Variants in NCOR2 observed in about 807,000 individuals in gnomAD.
NCOR2 encodes CTG repeat protein 26.
Under a neutral mutation model 262.9 loss-of-function variants are expected in NCOR2, and 81 were observed. That is an observed-to-expected ratio of 0.31 (90% CI 0.26 to 0.37). The LOEUF (loss-of-function observed/expected upper bound fraction) is 0.37. Among genes scored for constraint, NCOR2 ranks in the 10% least tolerant of loss-of-function variants. The pLI, the probability that NCOR2 is intolerant of heterozygous loss-of-function variation, is 1.00. For missense variants in NCOR2, 3,385 were observed against 3,621.4 expected (o/e 0.93, Z 1.68); for synonymous variants, 1,659 against 1,559.3 (o/e 1.06, Z -1.51).
At chr12:124,394,112 C>T (rs923871485) in intron 16 of NCOR2, among the ~76,000 whole-genome samples, 6 of 152,260 alleles carry the variant, frequency 3.9e-5, no homozygotes, top group Admixed American at 3.9e-4. Context: ...GCAGGAGGCA[C>T]AGCTGGGACC....
intron 11 of NCOR2, among the ~76,000 whole-genome samples, chr12:124,425,201 C>A (rs2043462524): frequency 6.6e-6 from 1 of 152,068 alleles, no homozygotes; most frequent in Admixed American, 6.5e-5. Context: ...GGTGAAACCC[C>A]ATCTCTACTA....
At chr12:124,508,159 C>G (rs1333493266) in intron 1 of NCOR2, among the ~76,000 whole-genome samples, 1 of 152,250 alleles carries the variant, frequency 6.6e-6, no homozygotes, top group East Asian at 1.9e-4. Context: ...CAGGCTGGAC[C>G]ACAAAGGGCC....
At chr12:124,511,430 G>C (rs1731830878) in intron 1 of NCOR2, among the ~76,000 whole-genome samples, 1 of 152,230 alleles carries the variant, frequency 6.6e-6, no homozygotes, top group Non-Finnish European at 1.5e-5. Flanking sequence ...TTCTCCATTT[G>C]TCAAGGGCAC....
intron 2 of NCOR2, among the ~76,000 whole-genome samples, chr12:124,485,656 C>G (rs762304826): frequency 6.6e-6 from 1 of 152,200 alleles, no homozygotes; most frequent in Non-Finnish European, 1.5e-5. Context: ...CCTGAGTTCA[C>G]CAGCCCCGCC....
chr12:124,427,715 G>C (rs1028804690), intron 10 of NCOR2, among the ~76,000 whole-genome samples: 9 of 152,180 alleles, frequency 5.9e-5, no homozygotes, highest in African/African-American at 2.2e-4. Context: ...CCCTGATACG[G>C]AACGGCGACC....
At chr12:124,496,906 G>C (rs1730558755), upstream of NCOR2, among the ~76,000 whole-genome samples, 1 of 152,216 alleles carries the variant, frequency 6.6e-6, no homozygotes, top group Admixed American at 6.5e-5. This position sits in a 1 kb window ranked among gnomAD's most constrained non-coding sequence, Gnocchi z 4.4. Context: ...TCTCTGCTGG[G>C]GATCTAAGCT....
intron 28 of NCOR2, chr12:124,348,517 C>T (rs1309081777): frequency 6.3e-6 from 4 of 638,372 alleles, no homozygotes; most frequent in Middle Eastern, 4.3e-4. Context: ...AGGAGCTTTT[C>T]CAGGGGGTTG....
intron 1 of NCOR2, among the ~76,000 whole-genome samples, chr12:124,516,136 G>A (rs903390223): frequency 1.3e-5 from 2 of 152,212 alleles, no homozygotes; most frequent in East Asian, 1.9e-4. Flanking sequence ...CAGCTGGTGC[G>A]GGGGGCCTGG....
chr12:124,558,355 G>A (rs891690691), intron 1 of NCOR2, among the ~76,000 whole-genome samples: 1 of 150,506 alleles, frequency 6.6e-6, no homozygotes, highest in Non-Finnish European at 1.5e-5. Flanking sequence ...GTGGGCAGAT[G>A]GGGGGCGTGC....
intron 13 of NCOR2, among the ~76,000 whole-genome samples, chr12:124,417,705 T>C (rs1478473240): frequency 6.6e-6 from 1 of 152,230 alleles, no homozygotes; most frequent in African/African-American, 2.4e-5. Flanking sequence ...ATATACTCCC[T>C]GACTGGCACT....
In NCOR2 at chr12:124,457,285, C is replaced by T. The variant is rs922683153; in HGVS notation, c.706-123G>A. On this transcript the variant is annotated intron_variant, in intron 5 of 46. Coordinates refer to ENST00000405201, the Ensembl canonical transcript of NCOR2. The surrounding 1 kb of genome is among the most constrained non-coding windows in gnomAD (Gnocchi z 4.0). Reference sequence around the variant, plus strand: ...CAGTCCAGCATGCTGATCCTCAGCACGGGGGAGGGAGGCCCGGGGCCCCCT... The same window carrying T: ...CAGTCCAGCATGCTGATCCTCAGCATGGGGGAGGGAGGCCCGGGGCCCCCT... 68 of 1,105,348 alleles carry T rather than the reference C, an allele frequency of 6.2e-5. No individual in the cohort carries two copies. Among genetic ancestry groups the T allele is most frequent in the South Asian group, 1.0e-4 (6 of 58,532 alleles). 68.5% of individuals were successfully genotyped at this position (1,105,348 alleles called of 1,614,324 possible). A position where few individuals can be genotyped will look rare whatever the true frequency, so the allele number is the denominator to read the frequency against.
chr12:124,509,717 C>G (rs1047930473), intron 1 of NCOR2, among the ~76,000 whole-genome samples: 37 of 152,282 alleles, frequency 2.4e-4, no homozygotes, highest in African/African-American at 8.7e-4. Flanking sequence ...CTGTGTCACC[C>G]TGAAGGGAAA....
rs887870281 is a variant in NCOR2, at chr12:124,378,823, G to A, written c.2020-439C>T. On this transcript the variant is annotated intron_variant, in intron 17 of 46. Coordinates refer to ENST00000405201, the Ensembl canonical transcript of NCOR2. This position sits in a 1 kb window ranked among gnomAD's most constrained non-coding sequence, Gnocchi z 4.2. ...GGGAACAGGCCAGCCTGGGAAGCTC[G>A]CGTTTCATTCCCTGAACCTTTACAG... 7.2e-5 allele frequency among the ~76,000 whole-genome samples: 11 copies of A among 152,190 alleles called. No individual in the cohort carries two copies. The highest frequency in any genetic ancestry group is 1.6e-4 in the Non-Finnish European group (11 of 68,034).
intron 13 of NCOR2, among the ~76,000 whole-genome samples, chr12:124,414,702 C>T (rs376097423): frequency 1.3e-5 from 2 of 152,364 alleles, no homozygotes; most frequent in South Asian, 4.1e-4. Context: ...AGGCAGACAG[C>T]ATCTCCTGGC....
chr12:124,504,562 AC>A lies in NCOR2; in HGVS notation c.-117-9195del, dbSNP rs536953310. ...ATCCCCAAGGAACGGAAAACTGGTG[AC>A]AAAACAAACAGAAAGGATTAGAATG... On this transcript the variant is annotated intron_variant, in intron 1 of 46. Transcript: ENST00000404621. The surrounding 1 kb of genome is among the most constrained non-coding windows in gnomAD (Gnocchi z 4.5). Among the ~76,000 whole-genome samples the A allele has an allele frequency of 7.9e-5, 12 of 152,352 alleles. No individual in the cohort carries two copies. The South Asian group carries it at 2.1e-3, about 26-fold the overall frequency.
chr12:124,524,052 C>T (rs1175143011), intron 1 of NCOR2, among the ~76,000 whole-genome samples: 2 of 152,218 alleles, frequency 1.3e-5, no homozygotes, highest in African/African-American at 4.8e-5. Context: ...GACTTGAGAC[C>T]TTCTGGAACA....
Position 124,523,999 on chromosome 12 carries a change from T to C in NCOR2, c.-118+11566A>G, listed in dbSNP as rs1203506662. ...ACTGCTGTGGCCGTGGGCCTTGACT[T>C]TCAGAAATGGCATCTCCAATGGTGT... On this transcript the variant is annotated intron_variant, in intron 1 of 46. Coordinates refer to the NCOR2 transcript ENST00000404621. This position sits in a 1 kb window ranked among gnomAD's most constrained non-coding sequence, Gnocchi z 4.0. Among the ~76,000 whole-genome samples, 1 of 152,208 alleles carries C rather than the reference T, an allele frequency of 6.6e-6. No homozygotes were observed. The highest frequency in any genetic ancestry group is 2.4e-5 in the African/African-American group (1 of 41,448).
rs147382004 is a variant in NCOR2 at position 124,532,544 on chromosome 12, G to A, written c.-118+3021C>T. On this transcript the variant is annotated intron_variant, in intron 1 of 46. Transcript: ENST00000404621. ...GGGGAGGAGGAGGCCCCACTCCACC[G>A]TCTGTCTGCCTTCCCGGCCTCCCTC... Among the ~76,000 whole-genome samples the A allele has an allele frequency of 1.7e-3, 259 of 152,342 alleles. 13 individuals carry two copies. The East Asian group carries it at 0.043, about 25-fold the overall frequency.
chr12:124,396,372 C>T (rs371042140), intron 16 of NCOR2, among the ~76,000 whole-genome samples: 10 of 152,316 alleles, frequency 6.6e-5, no homozygotes, highest in South Asian at 6.2e-4. Flanking sequence ...AAATAAAAGG[C>T]GGCGGGAATC....
Sources: allele counts gnomAD v4.1 joint callset (sites outside exome capture counted in the v4.1 genomes callset), GRCh38; gene constraint gnomAD v4.1.1; non-coding constraint Gnocchi (gnomAD v3.1); transcripts MANE v1.5; gene names NCBI Gene and HGNC (gene_info 2026-07-23, HGNC 2026-07-21).